The following DNAH8 variants were observed in gnomAD, a reference collection of about 807,000 sequenced individuals.
DNAH8 encodes the protein dynein axonemal heavy chain 8.
Under a neutral mutation model 562.1 loss-of-function variants are expected in DNAH8, and 382 were observed. The ratio of observed to expected loss-of-function variants is 0.68; its 90% confidence interval spans 0.63 to 0.74. The LOEUF (loss-of-function observed/expected upper bound fraction) is 0.74, where lower values mean the gene tolerates loss of function less well. Ranked by LOEUF, DNAH8 falls within the 30% of genes least tolerant of loss-of-function variation. DNAH8 has a pLI of 0.00. For missense variants in DNAH8, 5,203 were observed against 5,620.4 expected, an observed-to-expected ratio of 0.93 and a Z score of 2.37; for synonymous variants, 1,881 against 1,919.4, an observed-to-expected ratio of 0.98 and a Z score of 0.52.
At chr6:38,857,768 G>C in intron 42 of DNAH8, 26 bp downstream of exon 42, 1 of 1,410,564 alleles carries the variant, frequency 7.1e-7, no homozygotes, top group African/African-American at 1.4e-5. Context: ...TTTTAATTTA[G>C]TGTACTAACT....
chr6:38,742,243 C>T (rs1764576424), intron 8 of DNAH8, among the ~76,000 whole-genome samples: 1 of 152,196 alleles, frequency 6.6e-6, no homozygotes, highest in Non-Finnish European at 1.5e-5. Flanking sequence ...CCCCATGATT[C>T]TACCTCCTTT....
chr6:38,817,181 G>A (rs1678695), intron 26 of DNAH8, among the ~76,000 whole-genome samples: 75,108 of 151,964 alleles, frequency 0.49, 19,537 homozygotes, highest in East Asian at 0.7. Flanking sequence ...TGTCTCTACT[G>A]AAAATACAAG....
chr6:38,717,243 T>C (rs1162127267), intron 1 of DNAH8, among the ~76,000 whole-genome samples: 1 of 152,064 alleles, frequency 6.6e-6, no homozygotes, highest in African/African-American at 2.4e-5. Context: ...AGTGAACAAG[T>C]GTTGATGCCA....
At chr6:38,815,929 C>T (rs1772221200) in intron 26 of DNAH8, among the ~76,000 whole-genome samples, 1 of 151,984 alleles carries the variant, frequency 6.6e-6, no homozygotes. Context: ...GTTGGATAAA[C>T]TTAAGGTAAA....
At chr6:38,835,318 CA>C (rs35817690) in intron 32 of DNAH8, among the ~76,000 whole-genome samples, 17,383 of 134,196 alleles carry the variant, frequency 0.13, 1,040 homozygotes, top group East Asian at 0.21. Flanking sequence ...TCTTAGTAAT[CA>C]AAAAAAAAAA....
intron 53 of DNAH8, among the ~76,000 whole-genome samples, chr6:38,881,306 A>G (rs1020924996): frequency 6.6e-6 from 1 of 152,232 alleles, no homozygotes; most frequent in Non-Finnish European, 1.5e-5. Context: ...ATATCAATGT[A>G]TGCTTTCTTT....
intron 74 of DNAH8, among the ~76,000 whole-genome samples, chr6:38,927,277 A>G (rs1275549949): frequency 6.6e-6 from 1 of 152,212 alleles, no homozygotes; most frequent in African/African-American, 2.4e-5. Context: ...TTCTTTTTAC[A>G]AAAAGCCATA....
At chr6:38,815,442 T>C in intron 25 of DNAH8, 26 bp from the exon 26 acceptor site, 1 of 1,582,056 alleles carries the variant, frequency 6.3e-7, no homozygotes, top group Non-Finnish European at 8.7e-7. Flanking sequence ...CCGGCAGTAT[T>C]ACACATTTGT....
At chr6:38,769,437 A>G (rs1767341912) in intron 11 of DNAH8, among the ~76,000 whole-genome samples, 1 of 152,206 alleles carries the variant, frequency 6.6e-6, no homozygotes, top group Admixed American at 6.5e-5. Flanking sequence ...GAGAGCAATG[A>G]TAATTGTTTT....
At chr6:38,779,892 A>G (rs1319508098) in intron 14 of DNAH8, 74 bp from the exon 15 acceptor site, 38 of 1,354,074 alleles carry the variant, frequency 2.8e-5, no homozygotes, top group Non-Finnish European at 3.8e-5. Flanking sequence ...GAATGAATGG[A>G]TGGTTAGTAT....
At chr6:38,853,496 CCCAACCACCTGCTTGTCAACCTA>C (rs1775933163) in intron 41 of DNAH8, 149 bp downstream of exon 41, 6 of 811,256 alleles carry the variant, frequency 7.4e-6, no homozygotes, top group Non-Finnish European at 1.9e-6. Flanking sequence ...AGCCTCAGCT[CCCAACCACCTGCTTGTCAACCTA>C]CACCATTCTA....
intron 4 of DNAH8, among the ~76,000 whole-genome samples, chr6:38,733,791 A>G (rs1477535282): frequency 6.6e-6 from 1 of 151,900 alleles, no homozygotes; most frequent in African/African-American, 2.4e-5. Flanking sequence ...CGTGCTTGTA[A>G]TCCCAGCTAC....
intron 56 of DNAH8, among the ~76,000 whole-genome samples, chr6:38,885,024 C>T (rs1163712323): frequency 1.3e-5 from 2 of 152,150 alleles, no homozygotes; most frequent in African/African-American, 4.8e-5. Flanking sequence ...CCACTAGAAG[C>T]TCAGTACTCA....
rs571072809 is a variant in DNAH8 at position 38,786,240 on chromosome 6, T to C, written c.2396-525T>C. Among the ~76,000 whole-genome samples, 22 of 152,340 alleles carry C rather than the reference T, an allele frequency of 1.4e-4. No individual in the cohort carries two copies. In the East Asian group the frequency reaches 4.0e-3, roughly 28 times the overall value. On this transcript the variant is annotated intron_variant, in intron 17 of 92. Coordinates refer to ENST00000327475, the MANE Select transcript of DNAH8 (RefSeq NM_001206927.2). The stretch of plus-strand genomic sequence containing the variant: ...GTAGTGTAAAACATCTTCCCTCCTT[T>C]CCAGGATTTCACAACTCAATGGTAT...
intron 73 of DNAH8, among the ~76,000 whole-genome samples, chr6:38,925,476 A>G (rs192981384): frequency 6.6e-6 from 1 of 151,968 alleles, no homozygotes; most frequent in African/African-American, 2.4e-5. Flanking sequence ...GATTATAGGC[A>G]TGAACCACTG....
intron 29 of DNAH8, among the ~76,000 whole-genome samples, chr6:38,826,862 T>C (rs141660789): frequency 6.6e-6 from 1 of 152,280 alleles, no homozygotes; most frequent in African/African-American, 2.4e-5. Context: ...ATGAAAAATG[T>C]TTTTAGGAAA....
intron 11 of DNAH8, chr6:38,763,048 A>G: frequency 2.5e-6 from 1 of 401,684 alleles, no homozygotes; most frequent in Non-Finnish European, 4.9e-6. Flanking sequence ...CAGCTCATAA[A>G]GTAGTGGTTT....
intron 74 of DNAH8, 137 bp downstream of exon 74, chr6:38,926,347 G>A (rs1057072243): frequency 2.4e-6 from 2 of 837,490 alleles, no homozygotes; most frequent in Admixed American, 5.3e-5. Context: ...TTTTGTAACA[G>A]CAATTTGGGG....
Position 39,030,648 on chromosome 6 carries a change from G to A in DNAH8, c.*256G>A. The A allele has an allele frequency of 2.6e-6, 1 of 386,108 alleles. No homozygotes were observed. Among genetic ancestry groups the A allele is most frequent in the Non-Finnish European group, 4.7e-6 (1 of 214,112 alleles). 23.9% of individuals were successfully genotyped at this position (386,108 alleles called of 1,614,324 possible). A position where few individuals can be genotyped will look rare whatever the true frequency, so the allele number is the denominator to read the frequency against. ...AATTACTTTTTAAAGATAAAACCCT[G>A]TTTGGATGTTAGAACACTTTGGAAG... On this transcript the variant is annotated 3_prime_UTR_variant, in exon 93 of 93. Coordinates refer to ENST00000327475, the MANE Select transcript of DNAH8 (RefSeq NM_001206927.2).
Sources: gnomAD v4.1 joint callset for allele counts (sites outside exome capture counted in the v4.1 genomes callset) on GRCh38, gnomAD v4.1.1 for gene constraint, MANE v1.5 for transcripts, NCBI Gene and HGNC (gene_info 2026-07-23, HGNC 2026-07-21) for gene names.